The following FHIT variants were observed in gnomAD, a reference collection of about 807,000 sequenced individuals.
FHIT encodes fragile histidine triad diadenosine triphosphatase, also known as bis(5'-adenosyl)-triphosphatase.
FHIT carries 19 observed loss-of-function variants against 17.9 expected under a neutral mutation model. That is an observed-to-expected ratio of 1.06 (90% CI 0.74 to 1.56). The LOEUF (loss-of-function observed/expected upper bound fraction) is 1.56. Ranked by LOEUF, FHIT falls within the 40% of genes most tolerant of loss-of-function variation. FHIT has a pLI of 0.00. For synonymous variants in FHIT, 81 were observed against 69.7 expected (o/e 1.16, Z -0.81); for missense variants, 248 against 189.2 (o/e 1.31, Z -1.82).
At chr3:60,931,440 C>A (rs1707947558) in intron 3 of FHIT, among the ~76,000 whole-genome samples, 1 of 152,088 alleles carries the variant, frequency 6.6e-6, no homozygotes, top group South Asian at 2.1e-4. Context: ...ATTTATTTTA[C>A]ACTATGTGCA....
intron 8 of FHIT, among the ~76,000 whole-genome samples, chr3:59,878,451 C>T (rs1703260051): frequency 6.6e-6 from 1 of 152,154 alleles, no homozygotes; most frequent in South Asian, 2.1e-4. Flanking sequence ...CTCTAACTAA[C>T]AGCTGTCCAC....
chr3:61,044,656 G>A (rs113186257), intron 2 of FHIT, among the ~76,000 whole-genome samples: 37 of 152,156 alleles, frequency 2.4e-4, no homozygotes, highest in African/African-American at 8.0e-4. Flanking sequence ...TCCTCGAGAA[G>A]AGCAAATCCA....
chr3:59,884,088 T>A (rs1417443948), intron 8 of FHIT, among the ~76,000 whole-genome samples: 3 of 152,248 alleles, frequency 2.0e-5, no homozygotes, highest in Non-Finnish European at 4.4e-5. Context: ...GCAACTTTGC[T>A]TAATTGGGTA....
intron 4 of FHIT, among the ~76,000 whole-genome samples, chr3:60,811,211 AT>A (rs1701562052): frequency 6.6e-6 from 1 of 152,170 alleles, no homozygotes; most frequent in African/African-American, 2.4e-5. Context: ...CTGTCCTGAG[AT>A]TTCTACCATG....
At chr3:59,855,034 C>T (rs928014408) in intron 8 of FHIT, among the ~76,000 whole-genome samples, 3 of 152,182 alleles carry the variant, frequency 2.0e-5, no homozygotes, top group African/African-American at 4.8e-5. Context: ...ACAATTGTGG[C>T]CTCTGAAGCA....
chr3:60,503,669 G>A (rs2034611719), intron 5 of FHIT, among the ~76,000 whole-genome samples: 1 of 152,072 alleles, frequency 6.6e-6, no homozygotes. Context: ...CACTGAAAAT[G>A]AAGTTAATGA....
intron 3 of FHIT, among the ~76,000 whole-genome samples, chr3:61,014,772 T>A (rs1327149879): frequency 2.9e-5 from 2 of 70,020 alleles, no homozygotes; most frequent in South Asian, 4.9e-4. Flanking sequence ...AGAGCGAGAC[T>A]CTGCCTCAAA....
chr3:60,769,973 C>G (rs1316471161), intron 4 of FHIT, among the ~76,000 whole-genome samples: 2 of 152,138 alleles, frequency 1.3e-5, no homozygotes, highest in African/African-American at 2.4e-5. Context: ...CCCACTCAAA[C>G]TGAGTAAAAA....
intron 5 of FHIT, among the ~76,000 whole-genome samples, chr3:60,036,043 G>A (rs562201736): frequency 7.2e-4 from 109 of 152,314 alleles, no homozygotes; most frequent in African/African-American, 2.6e-3. Flanking sequence ...ACCATCCCAA[G>A]GGGAAGAGAA....
At chr3:60,601,308 C>T (rs756558220) in intron 4 of FHIT, among the ~76,000 whole-genome samples, 1 of 152,118 alleles carries the variant, frequency 6.6e-6, no homozygotes, top group Non-Finnish European at 1.5e-5. Flanking sequence ...TGCCTGAAAG[C>T]CTTGTGATAA....
intron 5 of FHIT, among the ~76,000 whole-genome samples, chr3:60,276,531 G>C (rs766269637): frequency 6.6e-6 from 1 of 152,170 alleles, no homozygotes; most frequent in Non-Finnish European, 1.5e-5. Flanking sequence ...TGCCTCAATA[G>C]TGTTTGTGTC....
At chr3:60,933,531 G>C (rs1382375322) in intron 3 of FHIT, among the ~76,000 whole-genome samples, 3 of 152,188 alleles carry the variant, frequency 2.0e-5, no homozygotes, top group Admixed American at 2.0e-4. Context: ...TGAGGATAGT[G>C]ACTACCAGAT....
intron 7 of FHIT, among the ~76,000 whole-genome samples, chr3:59,927,646 G>T (rs769248477): frequency 6.6e-6 from 1 of 152,072 alleles, no homozygotes; most frequent in Non-Finnish European, 1.5e-5. Context: ...GCACATGCCT[G>T]TAATCCCAGG....
chr3:60,868,695 AC>A (rs1308267512), intron 3 of FHIT, among the ~76,000 whole-genome samples: 2 of 152,140 alleles, frequency 1.3e-5, no homozygotes, highest in Non-Finnish European at 2.9e-5. Context: ...TTTTAGCTAA[AC>A]TGTTTCATAC....
intron 2 of FHIT, among the ~76,000 whole-genome samples, chr3:61,042,908 A>G (rs1445954283): frequency 6.6e-6 from 1 of 152,166 alleles, no homozygotes; most frequent in Non-Finnish European, 1.5e-5. Flanking sequence ...TGGCCTAGGA[A>G]GGGAATATCT....
At chr3:59,847,850 C>A (rs1575584374) in intron 8 of FHIT, among the ~76,000 whole-genome samples, 2 of 152,280 alleles carry the variant, frequency 1.3e-5, no homozygotes, top group East Asian at 3.9e-4. Context: ...CTGGAACATG[C>A]ACAGTAGCTA....
At chr3:59,967,998 C>G (rs115087850) in intron 7 of FHIT, among the ~76,000 whole-genome samples, 224 of 152,242 alleles carry the variant, frequency 1.5e-3, no homozygotes, top group African/African-American at 5.1e-3. Flanking sequence ...CGAAGCATGT[C>G]ATTTTCATCT....
chr3:60,865,161 C>T (rs899892324), intron 3 of FHIT, among the ~76,000 whole-genome samples: 4 of 152,046 alleles, frequency 2.6e-5, no homozygotes, highest in Non-Finnish European at 5.9e-5. Context: ...CATGTGTTGA[C>T]CAAAAAACTA....
rs565189996 is a variant in FHIT, at chr3:60,016,878, A to ACGT, written c.104-2729_104-2727dup. Among the ~76,000 whole-genome samples the ACGT allele has an allele frequency of 2.6e-5, 4 of 152,336 alleles. No individual in the cohort carries two copies. In the South Asian group the frequency reaches 8.3e-4, roughly 32 times the overall value. ...GCCCAAATCACCATTTCACTTTTGT[A>ACGT]CGTACTCTTACTTACTCAATCTTTC... is the stretch of plus-strand genomic sequence containing the variant. On this transcript the variant is annotated intron_variant, in intron 5 of 9. Transcript: ENST00000492590.
Sources: gnomAD v4.1 joint callset for allele counts (sites outside exome capture counted in the v4.1 genomes callset) on GRCh38, gnomAD v4.1.1 for gene constraint, MANE v1.5 for transcripts, NCBI Gene and HGNC (gene_info 2026-07-23, HGNC 2026-07-21) for gene names.